SLITRK4: variants seen among roughly 807,000 people sequenced by gnomAD.
SLITRK4 encodes the protein SLIT and NTRK like family member 4.
SLITRK4 carries 7 observed loss-of-function variants against 34.7 expected under a neutral mutation model. The observed-to-expected ratio is 0.20, with a 90% CI of 0.11 to 0.38. The LOEUF is 0.38. Among genes scored for constraint, SLITRK4 ranks in the 10% least tolerant of loss-of-function variants. The probability of loss-of-function intolerance (pLI) is 1.00; values close to 1 mark genes in which losing one functional copy is unlikely to be tolerated. For missense variants in SLITRK4, 474 were observed against 607.0 expected (o/e 0.78, Z 2.30); for synonymous variants, 237 against 246.2 (o/e 0.96, Z 0.35).
chrX:143,635,481 AACACACACACACACACACAC>A (rs782006427), intron 1 of SLITRK4, among the ~76,000 whole-genome samples: 63 of 55,249 alleles, frequency 1.1e-3, no homozygotes, highest in African/African-American at 4.0e-3. Flanking sequence ...ATAACGAAGG[AACACACACACACACACACAC>A]ACACACACAC....
At chrX:143,633,855 A>C (rs782722343) in intron 1 of SLITRK4, among the ~76,000 whole-genome samples, 50 of 112,490 alleles carry the variant, frequency 4.4e-4, no homozygotes, top group African/African-American at 1.6e-3. Flanking sequence ...GTTTTGCCGC[A>C]TCCCTGTTCC....
At position 143,629,157 on chromosome X, in the gene SLITRK4, A is replaced by C; in HGVS notation, c.1952T>G (p.Val651Gly). The C allele has an allele frequency of 8.3e-7, 1 of 1,211,699 alleles. No individual in the cohort carries two copies. Among genetic ancestry groups the C allele is most frequent in the Non-Finnish European group, 1.1e-6 (1 of 895,543 alleles). ...FVLRRNKKPT[V>G]KHEGLGNPDC... ...AGGATTCCCCAGGCCTTCGTGCTTC[A>C]CTGTGGGTTTCTTGTTGCGTCGCAG... The change falls in exon 2 of 2, where the codon GTG becomes GGG. Residue 651 changes from valine to glycine, a missense_variant. Val to Gly is a moderately radical substitution (Grantham distance 109, BLOSUM62 -3). This residue lies in a region of SLITRK4 where 345 missense variants were observed against 406.5 expected (regional missense o/e 0.85). Transcript: ENST00000356928.
chrX:143,632,075 C>G lies in SLITRK4; in HGVS notation c.-50-917G>C, dbSNP rs374843692. 1.1e-4 allele frequency among the ~76,000 whole-genome samples: 12 copies of G among 111,580 alleles called. No homozygotes were observed. In the East Asian group the frequency reaches 2.3e-3, roughly 21 times the overall value. On this transcript the variant is annotated intron_variant, in intron 1 of 1. Coordinates refer to ENST00000356928, the MANE Select transcript of SLITRK4 (RefSeq NM_001184749.3). The stretch of plus-strand genomic sequence containing the variant: ...CACATCTTTATTTACCATTTTGAAC[C>G]CAGGTCCGACTGATCCTCGGCTTAA...
At chrX:143,631,243 G>T in intron 1 of SLITRK4, 85 bp from the exon 2 acceptor site, 1 of 479,935 alleles carries the variant, frequency 2.1e-6, no homozygotes, top group Non-Finnish European at 3.3e-6. Context: ...TGAACACATG[G>T]CTATAATTAC....
rs782485085 is a variant in SLITRK4, at chrX:143,628,738, T to A, written c.2371A>T (p.Lys791Ter). The A allele has an allele frequency of 8.3e-7, 1 of 1,211,661 alleles. No individual in the cohort carries two copies. Residue 791 changes from lysine (K) to a stop codon, truncating the protein, a stop_gained, in exon 2 of 2, where the codon AAG (lysine) becomes TAG (stop). Coordinates refer to ENST00000356928, the MANE Select transcript of SLITRK4 (RefSeq NM_001184749.3). LOFTEE classifies it high-confidence loss of function. ...TGGTTGCCACCTATCAGTGACTTCT[T>A]ACTTTTTTTGTCTGGTTGTTTTTCT... ...YPEKQPDKKS[K>*]KSLIGGNHSK...
In SLITRK4 at chrX:143,629,787, T is replaced by C. The variant is rs201290563; in HGVS notation, c.1322A>G (p.Tyr441Cys). The stretch of plus-strand genomic sequence containing the variant: ...ATGAAGACCTGAAAATATTTCAGGA[T>C]AGAGTCTCTCAATTTGATTGCCATT... The part of the protein sequence containing the change: ...YLNGNQIERL[Y>C]PEIFSGLHNL... The change falls in exon 2 of 2, where the codon TAT becomes TGT. Residue 441 changes from tyrosine to cysteine, a missense_variant. By Grantham distance (194) the Tyr-to-Cys change is radical. Around this residue, in one of 3 missense-constraint regions of SLITRK4, gnomAD observed 345 missense variants for 406.5 expected, o/e 0.85. Coordinates refer to ENST00000356928, the MANE Select transcript of SLITRK4 (RefSeq NM_001184749.3). 3.3e-6 allele frequency: 4 copies of C among 1,207,657 alleles called. No individual in the cohort carries two copies. Among genetic ancestry groups the C allele is most frequent in the Admixed American group, 2.2e-5 (1 of 45,760 alleles).
chrX:143,635,019 A>AGCAGGCGGGCCGGCGG (rs1556430660), intron 1 of SLITRK4: 5 of 107,767 alleles, frequency 4.6e-5, no homozygotes, highest in South Asian at 4.3e-4. Context: ...CCAGCAGGCG[A>AGCAGGCGGGCCGGCGG]GCAGGCGGGC....
chrX:143,628,267 A>G lies in SLITRK4; in HGVS notation c.*328T>C. ...ACCAGTTTTCTTGAGTTTGCTTTACAAAGCACAAAGAGACGAAGGTTTTGC... is the reference window on the plus strand; with the variant it reads ...ACCAGTTTTCTTGAGTTTGCTTTACGAAGCACAAAGAGACGAAGGTTTTGC... On this transcript the variant is annotated 3_prime_UTR_variant, in exon 2 of 2. Coordinates refer to ENST00000356928, the MANE Select transcript of SLITRK4 (RefSeq NM_001184749.3). The G allele has an allele frequency of 3.3e-6, 1 of 304,312 alleles. No individual in the cohort carries two copies. Among genetic ancestry groups the G allele is most frequent in the Non-Finnish European group, 5.7e-6 (1 of 175,010 alleles). 25.1% of individuals were successfully genotyped at this position (304,312 alleles called of 1,213,427 possible). A position where few individuals can be genotyped will look rare whatever the true frequency, so the allele number is the denominator to read the frequency against.
In SLITRK4 at chrX:143,630,690, T is replaced by C; in HGVS notation, c.419A>G (p.Tyr140Cys). 1 of 1,211,103 alleles carries C rather than the reference T, an allele frequency of 8.3e-7. No individual in the cohort carries two copies. ...TCGTTCAATATACTTGATTAAATTG[T>C]AGTCAGCCTGGAGATACTCCAAGTT... ...IENLEYLQAD[Y>C]NLIKYIERGA... is the part of the protein sequence containing the mutation. Residue 140 changes from tyrosine to cysteine, a missense_variant, in exon 2 of 2, where the codon TAC becomes TGC. Tyr to Cys is a radical substitution (Grantham distance 194, BLOSUM62 -2). Transcript: ENST00000356928.
In SLITRK4 at chrX:143,629,176, G is replaced by A. The variant is rs200443048; in HGVS notation, c.1933C>T (p.Arg645Cys). Reference protein sequence around the residue: ...AFCLLVFVLRRNKKPTVKHEG... With the variant: ...AFCLLVFVLRCNKKPTVKHEG... ...TGCTTCACTGTGGGTTTCTTGTTGC[G>A]TCGCAGGACAAAAACAAGAAGGCAA... is the stretch of plus-strand genomic sequence containing the variant. Residue 645 changes from arginine to cysteine, a missense_variant, in exon 2 of 2, where the codon CGC becomes TGC. This residue lies in a region of SLITRK4 where 345 missense variants were observed against 406.5 expected (regional missense o/e 0.85). Coordinates refer to ENST00000356928, the MANE Select transcript of SLITRK4 (RefSeq NM_001184749.3). 3.2e-5 allele frequency: 39 copies of A among 1,209,683 alleles called. No homozygotes were observed. Among genetic ancestry groups the A allele is most frequent in the South Asian group, 7.1e-5 (4 of 56,694 alleles).
chrX:143,630,218 G>T lies in SLITRK4; in HGVS notation c.891C>A (p.His297Gln). 3.3e-6 allele frequency: 4 copies of T among 1,211,691 alleles called. No individual in the cohort carries two copies. The highest frequency in any genetic ancestry group is 4.5e-6 in the Non-Finnish European group (4 of 895,551). Residue 297 changes from histidine to glutamine, a missense_variant, in exon 2 of 2, where the codon CAC (histidine) becomes CAA (glutamine). Physicochemically the swap from His to Gln is conservative, Grantham distance 24 (BLOSUM62 0). Transcript: ENST00000356928. ...PNGHTTQTSL[H>Q]RLVTKPPKTT... ...TTTTTGGTGGTTTAGTTACTAATCTGTGTAAAGATGTTTGGGTAGTGTGAC... is the reference window on the plus strand; with the variant it reads ...TTTTTGGTGGTTTAGTTACTAATCTTTGTAAAGATGTTTGGGTAGTGTGAC...
At position 143,625,150 on chromosome X, in the gene SLITRK4, G is replaced by A. The variant is rs1464955228; in HGVS notation, c.*3445C>T. ...GATGTTACTCATAAGGTCATGCCCT[G>A]TATAATTTATGCATCCTTATGGCTT... On this transcript the variant is annotated 3_prime_UTR_variant, in exon 2 of 2. Coordinates refer to ENST00000356928, the MANE Select transcript of SLITRK4 (RefSeq NM_001184749.3). 2 of 110,730 alleles carry A rather than the reference G, an allele frequency of 1.8e-5. No homozygotes were observed. Among genetic ancestry groups the A allele is most frequent in the Non-Finnish European group, 3.8e-5 (2 of 52,704 alleles). 9.1% of individuals were successfully genotyped at this position (110,730 alleles called of 1,213,427 possible).
Position 143,625,049 on chromosome X carries a change from C to T in SLITRK4, c.*3546G>A, listed in dbSNP as rs1350399399. 1 of 111,140 alleles carries T rather than the reference C, an allele frequency of 9.0e-6. No individual in the cohort carries two copies. Among genetic ancestry groups the T allele is most frequent in the East Asian group, 2.8e-4 (1 of 3,561 alleles). The allele number at this position is 111,140 out of a possible 1,213,427, so 9.2% of individuals were successfully genotyped here. On this transcript the variant is annotated 3_prime_UTR_variant, in exon 2 of 2. Coordinates refer to ENST00000356928, the MANE Select transcript of SLITRK4 (RefSeq NM_001184749.3). Reference sequence around the variant, plus strand: ...TTTCATACAATGTCAATGTACAAATCATGCAAAAAATGTTATAGATTAATA... The same window carrying T: ...TTTCATACAATGTCAATGTACAAATTATGCAAAAAATGTTATAGATTAATA...
At position 143,629,293 on chromosome X, in the gene SLITRK4, G is replaced by A. The variant is rs150573623; in HGVS notation, c.1816C>T (p.Pro606Ser). The change falls in exon 2 of 2, where the codon CCC becomes TCC. Residue 606 changes from proline (P) to serine (S), a missense_variant. Pro to Ser is a moderately conservative substitution (Grantham distance 74, BLOSUM62 -1). This residue lies in a region of SLITRK4 where 345 missense variants were observed against 406.5 expected (regional missense o/e 0.85). Transcript: ENST00000356928. ...GGCCCACCAGGAGGACTTCGAATGG[G>A]ACCCAAAGGAGTGGTGAATGTAATG... is the stretch of plus-strand genomic sequence containing the variant. ...PAITFTTPLGPIRSPPGGPVP... is the reference protein window; with the variant it reads ...PAITFTTPLGSIRSPPGGPVP... 8.3e-7 allele frequency: 1 copy of A among 1,210,341 alleles called. No homozygotes were observed. The highest frequency in any genetic ancestry group is 1.1e-6 in the Non-Finnish European group (1 of 895,348).
Position 143,626,444 on chromosome X carries a change from G to A in SLITRK4, c.*2151C>T, listed in dbSNP as rs1389804532. The A allele has an allele frequency of 1.8e-5, 2 of 110,185 alleles. No homozygotes were observed. The highest frequency in any genetic ancestry group is 3.3e-5 in the African/African-American group (1 of 30,362). 9.1% of individuals were successfully genotyped at this position (110,185 alleles called of 1,213,427 possible). A position where few individuals can be genotyped will look rare whatever the true frequency, so the allele number is the denominator to read the frequency against. On this transcript the variant is annotated 3_prime_UTR_variant, in exon 2 of 2. Transcript: ENST00000356928. ...TTTAAGAGCACCAGCACATACACAT[G>A]GAGACGGTTTTTGCTATTTAAAAAA...
chrX:143,628,091 C>CCTTTTTTTTT lies in SLITRK4; in HGVS notation c.*503_*504insAAAAAAAAAG, dbSNP rs1930856943. ...CTATCGAGTGTTCTCTCTTTGCATG[C>CCTTTTTTTTT]TTTTTTTTTTTTTTTTTTTTTTTTT... On this transcript the variant is annotated 3_prime_UTR_variant, in exon 2 of 2. Coordinates refer to ENST00000356928, the MANE Select transcript of SLITRK4 (RefSeq NM_001184749.3). 1 of 72,816 alleles carries CCTTTTTTTTT rather than the reference C, an allele frequency of 1.4e-5. No individual in the cohort carries two copies. Among genetic ancestry groups the CCTTTTTTTTT allele is most frequent in the African/African-American group, 2.2e-4 (1 of 4,602 alleles). The allele number at this position is 72,816 out of a possible 1,213,427, so 6.0% of individuals were successfully genotyped here. A position where few individuals can be genotyped will look rare whatever the true frequency, so the allele number is the denominator to read the frequency against.
chrX:143,628,628 G>T lies in SLITRK4; in HGVS notation c.2481C>A (p.Val827=), dbSNP rs782000019. 1 of 1,203,237 alleles carries T rather than the reference G, an allele frequency of 8.3e-7. No homozygotes were observed. Among genetic ancestry groups the T allele is most frequent in the Admixed American group, 2.2e-5 (1 of 44,941 alleles). Residue 827 remains valine (V), a synonymous_variant, in exon 2 of 2, where the codon GTC becomes GTA. Transcript: ENST00000356928. Reference sequence around the variant, plus strand: ...TGTTCAAAGCTGTTTGCTCCTCAAGGACCTGTAGGTAGTCAGGGGAACTCT... The same window carrying T: ...TGTTCAAAGCTGTTTGCTCCTCAAGTACCTGTAGGTAGTCAGGGGAACTCT... ...KLQSSPDYLQ[V]LEEQTALNKI
chrX:143,632,024 G>T (rs782513359), intron 1 of SLITRK4, among the ~76,000 whole-genome samples: 2 of 111,371 alleles, frequency 1.8e-5, no homozygotes, highest in East Asian at 5.7e-4. Context: ...TTGAGAACTG[G>T]CTCTCTTGCC....
chrX:143,628,924 T>C lies in SLITRK4; in HGVS notation c.2185A>G (p.Lys729Glu). The stretch of plus-strand genomic sequence containing the variant: ...CTGGTATCTACATGTAATAAATCTT[T>C]CTCCTTGTCGGCCACATTTCTCATA... ...VVMRNVADKEKDLLHVDTRKR... is the reference protein window; with the variant it reads ...VVMRNVADKEEDLLHVDTRKR... Residue 729 changes from lysine (K) to glutamate (E), a missense_variant, in exon 2 of 2, where the codon AAA becomes GAA. By Grantham distance (56) the Lys-to-Glu change is moderately conservative. Coordinates refer to ENST00000356928, the MANE Select transcript of SLITRK4 (RefSeq NM_001184749.3). 1.7e-6 allele frequency: 2 copies of C among 1,211,592 alleles called. No individual in the cohort carries two copies. Among genetic ancestry groups the C allele is most frequent in the Non-Finnish European group, 2.2e-6 (2 of 895,410 alleles).
Sources: gnomAD v4.1 joint callset for allele counts (sites outside exome capture counted in the v4.1 genomes callset) on GRCh38, gnomAD v4.1.1 for gene constraint, gnomAD v4.1.1 regional missense constraint, MANE v1.5 for transcripts, NCBI Gene and HGNC (gene_info 2026-07-23, HGNC 2026-07-21) for gene names.